The following RFX4 variants were observed in gnomAD, a reference collection of about 807,000 sequenced individuals.
The protein encoded by RFX4 is regulatory factor X4, also known as transcription factor RFX4.
Under a neutral mutation model 95.0 loss-of-function variants are expected in RFX4, and 10 were observed. The observed-to-expected ratio is 0.11, with a 90% CI of 0.06 to 0.18. The LOEUF is 0.18. Among genes scored for constraint, RFX4 ranks in the 10% least tolerant of loss-of-function variants. The probability of loss-of-function intolerance (pLI) is 1.00; values close to 1 mark genes in which losing one functional copy is unlikely to be tolerated. For missense variants in RFX4, 640 were observed against 922.0 expected, an observed-to-expected ratio of 0.69 and a Z score of 3.96; for synonymous variants, 321 against 340.7, an observed-to-expected ratio of 0.94 and a Z score of 0.64.
chr12:106,621,892 AG>A (rs1419610196), intron 2 of RFX4, among the ~76,000 whole-genome samples: 1 of 152,194 alleles, frequency 6.6e-6, no homozygotes, highest in East Asian at 1.9e-4. Context: ...CTTTCTTTCA[AG>A]GCTTGTAGTT....
Position 106,678,539 on chromosome 12 carries a change from T to C in RFX4, c.316-3454T>C, listed in dbSNP as rs1428982440. Among the ~76,000 whole-genome samples the C allele has an allele frequency of 2.0e-5, 3 of 152,350 alleles. No homozygotes were observed. In the East Asian group the frequency reaches 5.8e-4, roughly 29 times the overall value. ...ACTCTGGTAGATTTTAGGTGCTTCT[T>C]CCAAGATTATCTTGAACTTTCAGTT... On this transcript the variant is annotated intron_variant, in intron 4 of 17. Coordinates refer to ENST00000392842, the MANE Select transcript of RFX4 (RefSeq NM_213594.3).
At chr12:106,641,081 A>C (rs2040613675) in intron 3 of RFX4, among the ~76,000 whole-genome samples, 1 of 152,190 alleles carries the variant, frequency 6.6e-6, no homozygotes, top group South Asian at 2.1e-4. Flanking sequence ...ATGCCTGGCC[A>C]ACAAACATTC....
chr12:106,740,130 C>G (rs552990773), intron 15 of RFX4, among the ~76,000 whole-genome samples: 1 of 152,326 alleles, frequency 6.6e-6, no homozygotes, highest in East Asian at 1.9e-4. Context: ...CAACACAAAA[C>G]CAGCAAATTA....
At chr12:106,671,652 CTTTCT>C (rs1184561938) in intron 4 of RFX4, among the ~76,000 whole-genome samples, 2 of 152,014 alleles carry the variant, frequency 1.3e-5, no homozygotes, top group South Asian at 4.2e-4. Flanking sequence ...TGTTTTCCTT[CTTTCT>C]TTTCTTTTCT....
At chr12:106,696,868 C>T (rs1344796431) in intron 8 of RFX4, among the ~76,000 whole-genome samples, 1 of 152,194 alleles carries the variant, frequency 6.6e-6, no homozygotes, top group African/African-American at 2.4e-5. Context: ...TAAAACAAAA[C>T]AACTTAACCT....
At chr12:106,700,934 T>G (rs935974780) in intron 8 of RFX4, among the ~76,000 whole-genome samples, 1 of 152,242 alleles carries the variant, frequency 6.6e-6, no homozygotes, top group Non-Finnish European at 1.5e-5. Context: ...AAATATTTTA[T>G]ATCTGCTTTC....
intron 1 of RFX4, among the ~76,000 whole-genome samples, chr12:106,594,722 C>T (rs1243479700): frequency 1.3e-5 from 2 of 151,690 alleles, no homozygotes; most frequent in Non-Finnish European, 1.5e-5. Flanking sequence ...GCACAGGGAT[C>T]CAAGCCACGG....
chr12:106,689,484 C>T (rs947653742), intron 7 of RFX4, 120 bp downstream of exon 7: 2 of 757,154 alleles, frequency 2.6e-6, no homozygotes, highest in Admixed American at 2.1e-5. Context: ...TCCTGGATAC[C>T]CATTAGCTCA....
chr12:106,648,454 T>C (rs1222042410), intron 3 of RFX4, among the ~76,000 whole-genome samples: 1 of 151,342 alleles, frequency 6.6e-6, no homozygotes, highest in African/African-American at 2.4e-5. Context: ...TTGACGGGTG[T>C]AGACTACTGT....
chr12:106,735,504 A>G (rs1428873696), intron 15 of RFX4, among the ~76,000 whole-genome samples: 1 of 152,196 alleles, frequency 6.6e-6, no homozygotes, highest in Non-Finnish European at 1.5e-5. Flanking sequence ...AAGAAATCTT[A>G]CTAGTTTCCC....
chr12:106,609,714 A>G (rs2039916213), intron 2 of RFX4, among the ~76,000 whole-genome samples: 2 of 151,954 alleles, frequency 1.3e-5, no homozygotes, highest in Admixed American at 6.5e-5. Context: ...CATAAAGTAT[A>G]CAAATCTTGT....
intron 6 of RFX4, among the ~76,000 whole-genome samples, chr12:106,688,605 A>G (rs978131337): frequency 2.0e-5 from 3 of 152,228 alleles, no homozygotes; most frequent in African/African-American, 7.2e-5. Flanking sequence ...GTATCTGTAA[A>G]GGATACATTA....
At chr12:106,748,346 T>C (rs1334886584) in intron 16 of RFX4, among the ~76,000 whole-genome samples, 1 of 152,152 alleles carries the variant, frequency 6.6e-6, no homozygotes, top group Non-Finnish European at 1.5e-5. Context: ...TATGATTCCA[T>C]TTAGAGAAGG....
At chr12:106,645,094 G>A (rs1036418544) in intron 3 of RFX4, among the ~76,000 whole-genome samples, 96 of 150,506 alleles carry the variant, frequency 6.4e-4, no homozygotes, top group African/African-American at 2.1e-3. Context: ...CAGCAGCCAA[G>A]CAGCCTAAAA....
intron 2 of RFX4, among the ~76,000 whole-genome samples, chr12:106,616,602 G>T (rs550747307): frequency 9.2e-5 from 14 of 152,170 alleles, no homozygotes; most frequent in African/African-American, 3.1e-4. Flanking sequence ...TTCTTTGAGG[G>T]AAAGTTTTTA....
rs144062358 is a variant in RFX4, at chr12:106,606,889, G to A, written c.44-1908G>A. 2.7e-3 allele frequency among the ~76,000 whole-genome samples: 411 copies of A among 152,300 alleles called. 1 individual carries two copies. Among genetic ancestry groups the A allele is most frequent in the African/African-American group, 9.3e-3 (388 of 41,558 alleles). ...CTCGTCCGCGTGGCTTCTTTTTATG[G>A]TGTGTAACCTAAGGTGTTAACTAAT... On this transcript the variant is annotated intron_variant, in intron 1 of 17. Transcript: ENST00000392842.
chr12:106,742,257 G>C (rs2042820368), intron 15 of RFX4, among the ~76,000 whole-genome samples: 1 of 152,176 alleles, frequency 6.6e-6, no homozygotes, highest in Non-Finnish European at 1.5e-5. Context: ...CGTGAGCACA[G>C]CTCACTGCAG....
chr12:106,704,065 C>CAAAAAAAAAAA (rs34213070), intron 8 of RFX4, among the ~76,000 whole-genome samples: 2 of 40,964 alleles, frequency 4.9e-5, no homozygotes, highest in Non-Finnish European at 5.4e-5. Context: ...GACACTGTCT[C>CAAAAAAAAAAA]AAAAAAAAAA....
intron 15 of RFX4, among the ~76,000 whole-genome samples, chr12:106,746,538 CA>C (rs373624700): frequency 0.016 from 2,277 of 144,430 alleles, 66 homozygotes; most frequent in African/African-American, 0.054. Flanking sequence ...TGTCTCCAAA[CA>C]AAAAAAAAAC....
Sources: gnomAD v4.1 joint callset for allele counts (sites outside exome capture counted in the v4.1 genomes callset) on GRCh38, gnomAD v4.1.1 for gene constraint, MANE v1.5 for transcripts, NCBI Gene and HGNC (gene_info 2026-07-23, HGNC 2026-07-21) for gene names.